Variants in SUMF1 observed in about 807,000 individuals in gnomAD.
SUMF1 encodes formylglycine-generating enzyme.
SUMF1 carries 48 observed loss-of-function variants against 47.6 expected under a neutral mutation model. That is an observed-to-expected ratio of 1.01 (90% CI 0.80 to 1.28). The LOEUF (loss-of-function observed/expected upper bound fraction) is 1.28. Among genes scored for constraint, SUMF1 ranks in the 50% most tolerant of loss-of-function variants. The probability of loss-of-function intolerance (pLI) is 0.00; values close to 1 mark genes in which losing one functional copy is unlikely to be tolerated. For synonymous variants in SUMF1, 230 were observed against 192.1 expected (o/e 1.20, Z -1.63); for missense variants, 571 against 485.4 (o/e 1.18, Z -1.66).
At chr3:4,333,340 G>A (rs566602602) in intron 8 of SUMF1, among the ~76,000 whole-genome samples, 1 of 152,350 alleles carries the variant, frequency 6.6e-6, no homozygotes, top group East Asian at 1.9e-4. Context: ...TCGAGCAGCG[G>A]TGGTGACCAA....
intron 8 of SUMF1, among the ~76,000 whole-genome samples, chr3:4,103,124 T>A (rs1440087933): frequency 6.6e-6 from 1 of 151,628 alleles, no homozygotes; most frequent in African/African-American, 2.4e-5. Flanking sequence ...GGTTTCCCTA[T>A]GTTGGCCAGG....
chr3:4,347,766 T>G (rs1699402546), intron 8 of SUMF1, among the ~76,000 whole-genome samples: 1 of 152,176 alleles, frequency 6.6e-6, no homozygotes, highest in Non-Finnish European at 1.5e-5. Context: ...GTGACATGAT[T>G]TCACGTTTAG....
chr3:4,333,820 A>AT (rs34421929), intron 8 of SUMF1, among the ~76,000 whole-genome samples: 11,927 of 148,342 alleles, frequency 0.08, 655 homozygotes, highest in South Asian at 0.31. Context: ...TAAGCACATA[A>AT]TTTTTTTTTT....
At chr3:4,201,346 T>C (rs947542736) in intron 8 of SUMF1, among the ~76,000 whole-genome samples, 1 of 152,058 alleles carries the variant, frequency 6.6e-6, no homozygotes, top group Non-Finnish European at 1.5e-5. Context: ...TCTCCATGAG[T>C]TCAATTGCTT....
chr3:4,380,002 T>G (rs1011085760), intron 7 of SUMF1, among the ~76,000 whole-genome samples: 3 of 152,194 alleles, frequency 2.0e-5, no homozygotes, highest in African/African-American at 7.2e-5. Flanking sequence ...TGATCAAGTT[T>G]ATGACTGCAG....
chr3:4,356,099 C>T (rs1245055185), intron 8 of SUMF1, among the ~76,000 whole-genome samples: 2 of 152,152 alleles, frequency 1.3e-5, no homozygotes, highest in African/African-American at 2.4e-5. Flanking sequence ...GTTCTGGCCA[C>T]GTGCCAAAGC....
intron 8 of SUMF1, among the ~76,000 whole-genome samples, chr3:4,303,011 C>T (rs945088798): frequency 3.9e-5 from 6 of 152,182 alleles, no homozygotes. Context: ...TGCGTTTCCC[C>T]GCTCGGTTTA....
At chr3:4,424,387 T>C (rs1318686383) in intron 3 of SUMF1, among the ~76,000 whole-genome samples, 5 of 152,140 alleles carry the variant, frequency 3.3e-5, no homozygotes, top group Non-Finnish European at 7.4e-5. Context: ...TGGAGCTATA[T>C]GATGATCACC....
intron 8 of SUMF1, among the ~76,000 whole-genome samples, chr3:4,251,753 T>C (rs192769827): frequency 6.3e-4 from 96 of 152,328 alleles, no homozygotes; most frequent in Non-Finnish European, 1.2e-3. Context: ...TGAAAATCTG[T>C]TGTTTAGTGT....
intron 3 of SUMF1, among the ~76,000 whole-genome samples, chr3:4,442,638 G>GAAAAAAAAAAAAAAAAAA (rs61296884): frequency 3.3e-5 from 2 of 61,258 alleles, no homozygotes; most frequent in Admixed American, 1.9e-4. Flanking sequence ...AGAGAAAAAG[G>GAAAAAAAAAAAAAAAAAA]AAAAAAAAAA....
chr3:4,457,750 T>C (rs1431678086), intron 1 of SUMF1, among the ~76,000 whole-genome samples: 1 of 152,186 alleles, frequency 6.6e-6, no homozygotes, highest in Admixed American at 6.5e-5. Flanking sequence ...TCAAACTGTA[T>C]TAAAGACTTA....
chr3:4,252,189 C>T (rs1490886174), intron 8 of SUMF1, among the ~76,000 whole-genome samples: 2 of 152,150 alleles, frequency 1.3e-5, no homozygotes, highest in Non-Finnish European at 2.9e-5. Context: ...ACAAAATATA[C>T]TGTAGCTACA....
intron 8 of SUMF1, among the ~76,000 whole-genome samples, chr3:4,242,736 C>T (rs1042142146): frequency 1.2e-4 from 18 of 152,154 alleles, no homozygotes; most frequent in African/African-American, 4.1e-4. Context: ...AAATTTTTCT[C>T]TTTTTGCTGT....
At chr3:4,273,554 A>C (rs1697345853) in intron 8 of SUMF1, among the ~76,000 whole-genome samples, 2 of 152,032 alleles carry the variant, frequency 1.3e-5, no homozygotes, top group African/African-American at 4.8e-5. Context: ...ATCTTTGGAG[A>C]TCATAGAAAT....
intron 8 of SUMF1, among the ~76,000 whole-genome samples, chr3:4,230,580 C>T (rs1017122153): frequency 1.1e-4 from 17 of 152,090 alleles, no homozygotes; most frequent in African/African-American, 4.1e-4. Flanking sequence ...GCCACCTTCC[C>T]AGCACCTCAA....
chr3:4,451,823 A>G (rs988043310), intron 2 of SUMF1, among the ~76,000 whole-genome samples: 1 of 152,082 alleles, frequency 6.6e-6, no homozygotes, highest in Non-Finnish European at 1.5e-5. Flanking sequence ...AGCTGGGACT[A>G]CGGGTGCCCG....
At position 4,210,191 on chromosome 3, in the gene SUMF1, G is replaced by A. The variant is rs190063858; in HGVS notation, c.1015-141446C>T. Among the ~76,000 whole-genome samples the A allele has an allele frequency of 4.4e-3, 676 of 152,126 alleles. 7 individuals are homozygous for A. Among genetic ancestry groups the A allele is most frequent in the African/African-American group, 0.015 (617 of 41,518 alleles). On this transcript the variant is annotated intron_variant and NMD_transcript_variant, in intron 8 of 12. Transcript: ENST00000448413. ...ATTACAGGTGTGAGCCACTGTGCCC[G>A]GCCAAAACTTAGAAATATTAACATG... is the stretch of plus-strand genomic sequence containing the variant.
chr3:4,467,041 G>GGTGAGCGGCTGCCGAACTGCC lies in SUMF1; in HGVS notation c.184_204dup (p.Gly62_His68dup), dbSNP rs1236164607. 1 of 1,575,158 alleles carries GGTGAGCGGCTGCCGAACTGCC rather than the reference G, an allele frequency of 6.3e-7. No homozygotes were observed. The highest frequency in any genetic ancestry group is 8.6e-7 in the Non-Finnish European group (1 of 1,161,818). On this transcript the variant is annotated inframe_insertion, in exon 1 of 9. Coordinates refer to ENST00000272902, the MANE Select transcript of SUMF1 (RefSeq NM_182760.4). ...GGAGCGTTAGCCTCCCGCGAGTATCGGTGAGCGGCTGCCGAACTGCCATGG... is the reference window on the plus strand; with the variant it reads ...GGAGCGTTAGCCTCCCGCGAGTATCGGTGAGCGGCTGCCGAACTGCCGTGAGCGGCTGCCGAACTGCCATGG...
chr3:4,128,495 A>T (rs998887363), intron 8 of SUMF1, among the ~76,000 whole-genome samples: 1 of 152,098 alleles, frequency 6.6e-6, no homozygotes, highest in African/African-American at 2.4e-5. Flanking sequence ...TCAACCCTGC[A>T]TTGCCTGGGG....
Sources: allele counts gnomAD v4.1 joint callset (sites outside exome capture counted in the v4.1 genomes callset), GRCh38; gene constraint gnomAD v4.1.1; transcripts MANE v1.5; gene names NCBI Gene and HGNC (gene_info 2026-07-23, HGNC 2026-07-21).